The following SNTG2 variants were observed in gnomAD, a reference collection of about 807,000 sequenced individuals.
The protein encoded by SNTG2 is syntrophin gamma 2.
A neutral mutation model predicts 70.9 loss-of-function variants in SNTG2; 74 were observed. The observed-to-expected ratio is 1.04, with a 90% CI of 0.86 to 1.27. The LOEUF is 1.27. SNTG2 is among the 50% of genes most tolerant of loss of function. The probability of loss-of-function intolerance (pLI) is 0.00; values close to 1 mark genes in which losing one functional copy is unlikely to be tolerated. For synonymous variants in SNTG2, 278 were observed against 273.8 expected, an observed-to-expected ratio of 1.02 and a Z score of -0.15; for missense variants, 717 against 690.7, an observed-to-expected ratio of 1.04 and a Z score of -0.43.
intron 8 of SNTG2, among the ~76,000 whole-genome samples, chr2:1,193,276 C>G (rs968993125): frequency 6.6e-6 from 1 of 152,164 alleles, no homozygotes. Context: ...CCTGAGTTTT[C>G]TCAGGTGGCA....
At position 1,209,194 on chromosome 2, in the gene SNTG2, G is replaced by C. The variant is rs746789025; in HGVS notation, c.683G>C (p.Arg228Pro). Residue 228 changes from arginine (R) to proline (P), a missense_variant, in exon 9 of 17, where the codon CGC (arginine) becomes CCC (proline). Arg to Pro is a moderately radical substitution (Grantham distance 103). Coordinates refer to ENST00000308624, the MANE Select transcript of SNTG2 (RefSeq NM_018968.4). ...TTGTCCGTGCCTCTGTCCATGGCTCGCATCTCAAGGTACAAAGCCGGAACG... is the reference window on the plus strand; with the variant it reads ...TTGTCCGTGCCTCTGTCCATGGCTCCCATCTCAAGGTACAAAGCCGGAACG... ...DTLSVPLSMA[R>P]ISRYKAGTEK... is the part of the protein sequence containing the mutation. 3 of 1,613,950 alleles carry C rather than the reference G, an allele frequency of 1.9e-6. No individual in the cohort carries two copies. The highest frequency in any genetic ancestry group is 4.5e-5 in the East Asian group (2 of 44,876).
At chr2:1,272,463 TAAAAAAA>T (rs577563977) in intron 14 of SNTG2, among the ~76,000 whole-genome samples, 4 of 51,894 alleles carry the variant, frequency 7.7e-5, no homozygotes, top group African/African-American at 3.8e-4. Context: ...CTGGTACTGG[TAAAAAAA>T]AAAAAAAAAA....
intron 1 of SNTG2, among the ~76,000 whole-genome samples, chr2:984,734 A>C (rs2147971263): frequency 6.6e-6 from 1 of 152,332 alleles, no homozygotes; most frequent in Admixed American, 6.5e-5. Flanking sequence ...GTGCTAAAGA[A>C]GTCAGTGTGT....
intron 2 of SNTG2, among the ~76,000 whole-genome samples, chr2:1,088,457 G>A (rs1004753258): frequency 6.6e-6 from 1 of 152,200 alleles, no homozygotes; most frequent in Non-Finnish European, 1.5e-5. Flanking sequence ...GCTCTCATTA[G>A]TCCATTAGGG....
intron 4 of SNTG2, among the ~76,000 whole-genome samples, chr2:1,110,347 T>G (rs1375392732): frequency 5.9e-5 from 9 of 152,234 alleles, no homozygotes; most frequent in Admixed American, 5.9e-4. Context: ...AATTTTCACC[T>G]GTTATTGGTG....
intron 14 of SNTG2, among the ~76,000 whole-genome samples, chr2:1,281,651 G>T (rs1276954004): frequency 6.6e-6 from 1 of 152,100 alleles, no homozygotes; most frequent in African/African-American, 2.4e-5. Flanking sequence ...TGTTAACCTG[G>T]CACTTGCTTT....
chr2:1,186,396 T>C (rs531765367), intron 8 of SNTG2, among the ~76,000 whole-genome samples: 1 of 152,354 alleles, frequency 6.6e-6, no homozygotes, highest in South Asian at 2.1e-4. Flanking sequence ...TTTTCAGGTA[T>C]CTTTATAGCA....
At chr2:1,049,038 G>T (rs967011900) in intron 1 of SNTG2, among the ~76,000 whole-genome samples, 1 of 152,006 alleles carries the variant, frequency 6.6e-6, no homozygotes, top group Non-Finnish European at 1.5e-5. Flanking sequence ...AGCAAAATGG[G>T]ACATAAAATA....
chr2:981,073 A>G (rs1328785111), intron 1 of SNTG2, among the ~76,000 whole-genome samples: 2 of 152,218 alleles, frequency 1.3e-5, no homozygotes, highest in East Asian at 3.8e-4. Flanking sequence ...TGAATTTGAA[A>G]TATGAACCAC....
At chr2:1,056,300 G>C (rs1310055607) in intron 1 of SNTG2, among the ~76,000 whole-genome samples, 1 of 65,266 alleles carries the variant, frequency 1.5e-5, no homozygotes, top group African/African-American at 7.4e-5. Context: ...CTGTGGGGAG[G>C]GAGGGAGGGA....
At chr2:1,012,390 C>T (rs1659752998) in intron 1 of SNTG2, among the ~76,000 whole-genome samples, 1 of 152,252 alleles carries the variant, frequency 6.6e-6, no homozygotes. Flanking sequence ...GAGCCTGGCA[C>T]AGTCCCTGCC....
intron 4 of SNTG2, among the ~76,000 whole-genome samples, chr2:1,134,106 T>C (rs182842527): frequency 0.043 from 6,564 of 152,108 alleles, 194 homozygotes; most frequent in Admixed American, 0.071. Context: ...CCTGTGGGTT[T>C]GTGGTCTCGC....
intron 1 of SNTG2, among the ~76,000 whole-genome samples, chr2:965,467 C>T (rs922483436): frequency 6.6e-6 from 1 of 151,254 alleles, no homozygotes; most frequent in Non-Finnish European, 1.5e-5. Flanking sequence ...TTGCCTCCTC[C>T]TCCTTGACTT....
chr2:963,193 T>C (rs1226759463), intron 1 of SNTG2, among the ~76,000 whole-genome samples: 1 of 152,140 alleles, frequency 6.6e-6, no homozygotes, highest in African/African-American at 2.4e-5. Context: ...ACATAATGAA[T>C]TTAAAGCCTA....
intron 1 of SNTG2, among the ~76,000 whole-genome samples, chr2:951,432 G>A (rs900786540): frequency 6.6e-6 from 1 of 152,006 alleles, no homozygotes; most frequent in African/African-American, 2.4e-5. Flanking sequence ...CGGCTCTTTC[G>A]GGCCCAGGCG....
At chr2:1,101,488 T>C (rs1334648277) in intron 4 of SNTG2, among the ~76,000 whole-genome samples, 1 of 152,192 alleles carries the variant, frequency 6.6e-6, no homozygotes, top group African/African-American at 2.4e-5. Flanking sequence ...TCTCATTTAT[T>C]TTATGTCTTC....
chr2:1,150,515 C>T (rs5006484), intron 6 of SNTG2, among the ~76,000 whole-genome samples: 142,474 of 152,076 alleles, frequency 0.94, 66,864 homozygotes, highest in Non-Finnish European at 0.97. Context: ...GCTTGGTGTG[C>T]GCCTCCTGAT....
chr2:1,364,153 T>G (rs1389632466), intron 16 of SNTG2, among the ~76,000 whole-genome samples: 8 of 151,508 alleles, frequency 5.3e-5, no homozygotes, highest in Non-Finnish European at 8.8e-5. Context: ...AGTATTTTTT[T>G]TTTTTTTTGG....
At chr2:1,060,050 T>C (rs1662710766) in intron 1 of SNTG2, among the ~76,000 whole-genome samples, 1 of 152,132 alleles carries the variant, frequency 6.6e-6, no homozygotes, top group South Asian at 2.1e-4. Flanking sequence ...TTACATTTTA[T>C]CCCTACCTTA....
Sources: allele counts gnomAD v4.1 joint callset (sites outside exome capture counted in the v4.1 genomes callset), GRCh38; gene constraint gnomAD v4.1.1; transcripts MANE v1.5; gene names NCBI Gene and HGNC (gene_info 2026-07-23, HGNC 2026-07-21).